The following NBEAL1 variants were observed in gnomAD, a reference collection of about 807,000 sequenced individuals.
NBEAL1 encodes neurobeachin-like protein 1.
A neutral mutation model predicts 351.3 loss-of-function variants in NBEAL1; 273 were observed. The ratio of observed to expected loss-of-function variants is 0.78; its 90% confidence interval spans 0.70 to 0.86. NBEAL1 has a LOEUF of 0.86. Among genes scored for constraint, NBEAL1 ranks in the 40% least tolerant of loss-of-function variants. The pLI, the probability that NBEAL1 is intolerant of heterozygous loss-of-function variation, is 0.00. For synonymous variants in NBEAL1, 1,050 were observed against 1,086.4 expected (o/e 0.97, Z 0.66); for missense variants, 2,961 against 3,201.3 (o/e 0.92, Z 1.81).
Position 203,062,169 on chromosome 2 carries a change from T to C in NBEAL1, c.515+4716T>C. On this transcript the variant is annotated intron_variant, in intron 6 of 55. Transcript: ENST00000683969. The surrounding 1 kb of genome is among the most constrained non-coding windows in gnomAD (Gnocchi z 4.2). ...AATTCTGGCTGAAGGTTTCTCCACC[T>C]TGACTATTTTGTTTACCTTCACACA... The C allele has an allele frequency of 4.7e-6, 2 of 422,928 alleles. No homozygotes were observed. Among genetic ancestry groups the C allele is most frequent in the Non-Finnish European group, 9.3e-6 (2 of 214,338 alleles). 26.2% of individuals were successfully genotyped at this position (422,928 alleles called of 1,614,324 possible). A position where few individuals can be genotyped will look rare whatever the true frequency, so the allele number is the denominator to read the frequency against.
At chr2:203,101,239 A>G (rs942214100) in intron 12 of NBEAL1, among the ~76,000 whole-genome samples, 6 of 152,124 alleles carry the variant, frequency 3.9e-5, no homozygotes, top group African/African-American at 1.4e-4. Flanking sequence ...TTATCCCAGT[A>G]CTATTTATTG....
chr2:203,104,335 GT>G (rs2062388087), intron 12 of NBEAL1, among the ~76,000 whole-genome samples: 1 of 152,156 alleles, frequency 6.6e-6, no homozygotes, highest in Non-Finnish European at 1.5e-5. Context: ...TTTAAAGTCT[GT>G]TTTGTCTGAA....
At position 203,219,341 on chromosome 2, in the gene NBEAL1, T is replaced by C. The variant is rs781647379; in HGVS notation, c.*1987T>C. ...TACTTAATACTGGATTTGAAAATTA[T>C]TTTGGATGCTTATAAGTTTTCTAAA... On this transcript the variant is annotated 3_prime_UTR_variant, in exon 56 of 56. Transcript: ENST00000683969. The C allele has an allele frequency of 2.0e-5, 3 of 152,170 alleles. No homozygotes were observed. Among genetic ancestry groups the C allele is most frequent in the Admixed American group, 6.5e-5 (1 of 15,274 alleles). 9.4% of individuals were successfully genotyped at this position (152,170 alleles called of 1,614,324 possible). A position where few individuals can be genotyped will look rare whatever the true frequency, so the allele number is the denominator to read the frequency against.
In NBEAL1 at chr2:203,145,078, A is replaced by G; in HGVS notation, c.5222A>G (p.Tyr1741Cys). ...FYDGHENMAL[Y>C]WKDCYEALMV... ...GATGGTCATGAGAACATGGCACTTT[A>G]TTGGAAGGATTGTTATGAAGCTTTA... is the stretch of plus-strand genomic sequence containing the variant. The change falls in exon 33 of 56, where the codon TAT (tyrosine) becomes TGT (cysteine). Residue 1741 changes from tyrosine (Y) to cysteine (C), a missense_variant. By Grantham distance (194) the Tyr-to-Cys change is radical (BLOSUM62 -2). Transcript: ENST00000683969. The G allele has an allele frequency of 1.2e-6, 2 of 1,613,340 alleles. No homozygotes were observed. Among genetic ancestry groups the G allele is most frequent in the East Asian group, 2.2e-5 (1 of 44,802 alleles).
intron 44 of NBEAL1, among the ~76,000 whole-genome samples, 198 bp downstream of exon 44, chr2:203,183,586 A>T (rs1055891458): frequency 2.6e-5 from 4 of 152,168 alleles, no homozygotes; most frequent in African/African-American, 9.7e-5. Flanking sequence ...GTATAGTACC[A>T]TGAATAAATA....
chr2:203,120,453 C>T (rs557164716), intron 18 of NBEAL1, among the ~76,000 whole-genome samples: 8 of 152,096 alleles, frequency 5.3e-5, no homozygotes, highest in East Asian at 3.9e-4. Flanking sequence ...GTTTGTTGTT[C>T]CAGGAAGCTA....
chr2:203,138,847 T>C, intron 31 of NBEAL1, 99 bp downstream of exon 31: 1 of 1,196,262 alleles, frequency 8.4e-7, no homozygotes, highest in Admixed American at 2.7e-5. Context: ...ATTTTAAGTT[T>C]TTCATTAGTT....
chr2:203,126,537 C>T lies in NBEAL1; in HGVS notation c.2986-20C>T. The T allele has an allele frequency of 7.0e-7, 1 of 1,423,080 alleles. No individual in the cohort carries two copies. The highest frequency in any genetic ancestry group is 9.2e-7 in the Non-Finnish European group (1 of 1,087,904). 88.2% of individuals were successfully genotyped at this position (1,423,080 alleles called of 1,614,324 possible). On this transcript the variant is annotated intron_variant, in intron 21 of 55. Coordinates refer to ENST00000683969, the MANE Select transcript of NBEAL1 (RefSeq NM_001378026.1). Reference sequence around the variant, plus strand: ...TTATTTAAACTGAACTATATGAAACCCTCTTCTGTTTGGTTTCAGGTGCCA... The same window carrying T: ...TTATTTAAACTGAACTATATGAAACTCTCTTCTGTTTGGTTTCAGGTGCCA...
chr2:203,072,958 G>A (rs1003862332), intron 7 of NBEAL1, among the ~76,000 whole-genome samples: 1 of 152,146 alleles, frequency 6.6e-6, no homozygotes, highest in Non-Finnish European at 1.5e-5. Flanking sequence ...AAATGAGTTA[G>A]GCAGGGTTCT....
At chr2:203,200,965 A>G (rs1200409882) in intron 49 of NBEAL1, among the ~76,000 whole-genome samples, 4 of 152,158 alleles carry the variant, frequency 2.6e-5, no homozygotes, top group Non-Finnish European at 4.4e-5. Flanking sequence ...ATTAGCCCTC[A>G]TTTTCTATAT....
At chr2:203,124,646 T>C (rs947471228) in intron 19 of NBEAL1, among the ~76,000 whole-genome samples, 1 of 152,180 alleles carries the variant, frequency 6.6e-6, no homozygotes, top group Admixed American at 6.5e-5. Flanking sequence ...TTTGAAGACT[T>C]AAGTTATGTC....
At chr2:203,141,449 C>T (rs1002044788) in intron 31 of NBEAL1, among the ~76,000 whole-genome samples, 4 of 133,430 alleles carry the variant, frequency 3.0e-5, no homozygotes, top group African/African-American at 5.5e-5. Flanking sequence ...GGCACAACCT[C>T]GGCTCACTGC....
intron 5 of NBEAL1, 81 bp from the exon 6 acceptor site, chr2:203,057,245 T>C: frequency 8.0e-7 from 1 of 1,257,760 alleles, no homozygotes; most frequent in South Asian, 1.4e-5. Context: ...AAGGGAAAGT[T>C]TGGCTTGTTT....
chr2:203,047,659 A>G (rs1000615815), intron 3 of NBEAL1, among the ~76,000 whole-genome samples: 3 of 152,072 alleles, frequency 2.0e-5, no homozygotes, highest in Non-Finnish European at 4.4e-5. Flanking sequence ...GTTAGGAGCA[A>G]TTTTTAAGTA....
chr2:203,217,583 T>C lies in NBEAL1; in HGVS notation c.*229T>C, dbSNP rs1242640245. 5 of 1,113,976 alleles carry C rather than the reference T, an allele frequency of 4.5e-6. No individual in the cohort carries two copies. In the Admixed American group the frequency reaches 2.3e-4, roughly 52 times the overall value. The allele number at this position is 1,113,976 out of a possible 1,614,324, so 69.0% of individuals were successfully genotyped here. ...TGGCCCATTCCTAAAGGTCATTGTA[T>C]CCATTTTTAAAACAAACTAAAATGA... On this transcript the variant is annotated 3_prime_UTR_variant, in exon 56 of 56. Transcript: ENST00000683969.
chr2:203,183,495 C>T (rs554817396), intron 44 of NBEAL1, 107 bp downstream of exon 44: 1 of 636,910 alleles, frequency 1.6e-6, no homozygotes, highest in African/African-American at 1.8e-5. Flanking sequence ...AATTTGTAAT[C>T]TATTATATAT....
At chr2:203,207,079 C>T (rs1281129413) in intron 51 of NBEAL1, among the ~76,000 whole-genome samples, 34 of 146,526 alleles carry the variant, frequency 2.3e-4, no homozygotes, top group Non-Finnish European at 4.7e-4. Flanking sequence ...TCGCCCCGTC[C>T]GGGATGTGAG....
Position 203,122,237 on chromosome 2 carries a change from T to G in NBEAL1, c.2593-17T>G. 3 of 1,437,022 alleles carry G rather than the reference T, an allele frequency of 2.1e-6. No individual in the cohort carries two copies. The highest frequency in any genetic ancestry group is 2.8e-6 in the Non-Finnish European group (3 of 1,063,380). The allele number at this position is 1,437,022 out of a possible 1,614,324, so 89.0% of individuals were successfully genotyped here. A position where few individuals can be genotyped will look rare whatever the true frequency, so the allele number is the denominator to read the frequency against. ...TGTTCTAATTGGTTGTTTGCCATAT[T>G]TTTCTTTTATTCTTAGGCCTGCAAA... On this transcript the variant is annotated splice_polypyrimidine_tract_variant and intron_variant, in intron 18 of 55. Transcript: ENST00000683969.
intron 55 of NBEAL1, 151 bp from the exon 56 acceptor site, chr2:203,217,102 C>A: frequency 2.1e-6 from 1 of 481,830 alleles, no homozygotes; most frequent in Non-Finnish European, 3.3e-6. Context: ...CCACACCTGG[C>A]CGTCTTTCTC....
Sources: gnomAD v4.1 joint callset for allele counts (sites outside exome capture counted in the v4.1 genomes callset) on GRCh38, gnomAD v4.1.1 for gene constraint, Gnocchi (gnomAD v3.1) non-coding constraint, MANE v1.5 for transcripts, NCBI Gene and HGNC (gene_info 2026-07-23, HGNC 2026-07-21) for gene names.